Variants in PCDH9 observed in about 807,000 individuals in gnomAD.
The protein encoded by PCDH9 is protocadherin-9.
A neutral mutation model predicts 70.6 loss-of-function variants in PCDH9; 24 were observed. The observed-to-expected ratio is 0.34, with a 90% CI of 0.25 to 0.48. PCDH9 has a LOEUF of 0.48. PCDH9 is among the 20% of genes least tolerant of loss of function. The pLI is 0.99. For synonymous variants in PCDH9, 562 were observed against 558.5 expected (o/e 1.01, Z -0.09); for missense variants, 1,281 against 1,503.6 (o/e 0.85, Z 2.45).
intron 2 of PCDH9, among the ~76,000 whole-genome samples, chr13:66,909,693 T>C (rs181028379): frequency 1.8e-4 from 27 of 152,214 alleles, no homozygotes; most frequent in African/African-American, 5.8e-4. Context: ...GGCGTGAACC[T>C]GGGAGGCGGA....
At chr13:66,917,914 C>T (rs2082581423) in intron 2 of PCDH9, among the ~76,000 whole-genome samples, 1 of 151,258 alleles carries the variant, frequency 6.6e-6, no homozygotes, top group Admixed American at 6.6e-5. Flanking sequence ...TTCCCTCTCC[C>T]CTACAAAACA....
At chr13:66,535,149 TAAC>T (rs1251028131) in intron 4 of PCDH9, among the ~76,000 whole-genome samples, 2 of 152,028 alleles carry the variant, frequency 1.3e-5, no homozygotes, top group Non-Finnish European at 2.9e-5. Flanking sequence ...AATAATAAAG[TAAC>T]AACAATTTTT....
intron 4 of PCDH9, among the ~76,000 whole-genome samples, chr13:66,514,954 A>G (rs1247992961): frequency 6.6e-6 from 1 of 152,018 alleles, no homozygotes; most frequent in Middle Eastern, 3.2e-3. Context: ...ATATCTACTT[A>G]TTTCCATTCT....
intron 4 of PCDH9, among the ~76,000 whole-genome samples, chr13:66,507,651 C>A (rs1025433127): frequency 6.6e-6 from 1 of 152,130 alleles, no homozygotes; most frequent in Non-Finnish European, 1.5e-5. Context: ...CTGGCAAAAA[C>A]GGGTTCAAAT....
chr13:67,176,688 T>G (rs985841436), intron 2 of PCDH9, among the ~76,000 whole-genome samples: 1 of 152,032 alleles, frequency 6.6e-6, no homozygotes, highest in Admixed American at 6.6e-5. Context: ...AATACATTAT[T>G]TCCCCCCTCT....
intron 4 of PCDH9, among the ~76,000 whole-genome samples, chr13:66,517,668 CCTTCTAAA>C (rs1236745178): frequency 6.6e-5 from 10 of 152,002 alleles, no homozygotes; most frequent in African/African-American, 2.2e-4. Context: ...ATTGCCTATC[CCTTCTAAA>C]CTTGGCCTTC....
chr13:66,984,071 T>C (rs1250117922), intron 2 of PCDH9, among the ~76,000 whole-genome samples: 1 of 152,122 alleles, frequency 6.6e-6, no homozygotes. Context: ...ATATATCTTT[T>C]ATTCATATTA....
chr13:67,044,192 T>C (rs915021800), intron 2 of PCDH9, among the ~76,000 whole-genome samples: 2 of 152,110 alleles, frequency 1.3e-5, no homozygotes, highest in African/African-American at 4.8e-5. Flanking sequence ...AAGAAATAAA[T>C]TGGGTTAATT....
At chr13:66,368,970 CAA>C (rs1370184396) in intron 4 of PCDH9, among the ~76,000 whole-genome samples, 1 of 152,150 alleles carries the variant, frequency 6.6e-6, no homozygotes, top group East Asian at 1.9e-4. Context: ...GTTCCTCCTA[CAA>C]CACATGGGAA....
chr13:67,002,078 T>C (rs1270649649), intron 2 of PCDH9: 4 of 152,220 alleles, frequency 2.6e-5, no homozygotes, highest in African/African-American at 7.2e-5. Context: ...TTAGATTCTC[T>C]TGTAGAATGT....
rs756950607 is a variant in PCDH9, at chr13:67,132,565, G to A, written c.3036+92840C>T. The stretch of plus-strand genomic sequence containing the variant: ...TAGAAGGCATGTGTGTCAAATAGGT[G>A]GTAACATATAGTTCATAGCAACAAT... On this transcript the variant is annotated intron_variant, in intron 2 of 4. Coordinates refer to ENST00000377865, the MANE Select transcript of PCDH9 (RefSeq NM_203487.3). Among the ~76,000 whole-genome samples, 52 of 151,858 alleles carry A rather than the reference G, an allele frequency of 3.4e-4. 1 individual carries two copies. The highest frequency in any genetic ancestry group is 8.8e-5 in the Non-Finnish European group (6 of 67,980).
chr13:67,193,992 T>C (rs972515842), intron 2 of PCDH9, among the ~76,000 whole-genome samples: 37 of 152,132 alleles, frequency 2.4e-4, no homozygotes, highest in African/African-American at 7.5e-4. Flanking sequence ...TGCATACCTA[T>C]AGGTTATTTA....
intron 2 of PCDH9, chr13:67,214,367 T>C (rs1383385707): frequency 3.9e-5 from 6 of 152,150 alleles, no homozygotes; most frequent in African/African-American, 1.4e-4. Context: ...TATGGAATAA[T>C]TGGAAGCAAG....
chr13:66,368,155 T>C (rs2324888), intron 4 of PCDH9, among the ~76,000 whole-genome samples: 64,757 of 151,810 alleles, frequency 0.43, 15,738 homozygotes, highest in East Asian at 0.62. Context: ...TTTTTAAGGA[T>C]AAAAATTAAA....
chr13:66,978,942 T>C (rs2083680591), intron 2 of PCDH9, among the ~76,000 whole-genome samples: 1 of 151,768 alleles, frequency 6.6e-6, no homozygotes, highest in Non-Finnish European at 1.5e-5. Flanking sequence ...TGTACTGTTA[T>C]ATAAAGTTAT....
chr13:66,838,298 C>T (rs564696944), intron 3 of PCDH9, among the ~76,000 whole-genome samples: 1 of 151,858 alleles, frequency 6.6e-6, no homozygotes, highest in Non-Finnish European at 1.5e-5. Flanking sequence ...CTGAGTAGTA[C>T]CATGCACATT....
chr13:66,464,881 T>A (rs1294533407), intron 4 of PCDH9, among the ~76,000 whole-genome samples: 3 of 151,966 alleles, frequency 2.0e-5, no homozygotes, highest in Non-Finnish European at 4.4e-5. Flanking sequence ...TGTGAAATAA[T>A]TAAAAAGAAT....
At chr13:67,032,639 G>C (rs550854432) in intron 2 of PCDH9, among the ~76,000 whole-genome samples, 7 of 152,276 alleles carry the variant, frequency 4.6e-5, no homozygotes, top group African/African-American at 1.7e-4. Context: ...GCACAGTATT[G>C]ACTGAGACTC....
At chr13:67,123,899 GATTA>G (rs1393545143) in intron 2 of PCDH9, among the ~76,000 whole-genome samples, 4 of 151,632 alleles carry the variant, frequency 2.6e-5, no homozygotes, top group East Asian at 1.9e-4. Context: ...AATTATTTCA[GATTA>G]ATTAGTGAGA....
Sources: allele counts gnomAD v4.1 joint callset (sites outside exome capture counted in the v4.1 genomes callset), GRCh38; gene constraint gnomAD v4.1.1; transcripts MANE v1.5; gene names NCBI Gene and HGNC (gene_info 2026-07-23, HGNC 2026-07-21).